CEP164: variants seen among roughly 807,000 people sequenced by gnomAD.
CEP164 encodes centrosomal protein of 164 kDa.
A neutral mutation model predicts 182.7 loss-of-function variants in CEP164; 162 were observed. That is an observed-to-expected ratio of 0.89 (90% CI 0.78 to 1.01). The LOEUF is 1.01. Among genes scored for constraint, CEP164 ranks in the 50% least tolerant of loss-of-function variants. The pLI, the probability that CEP164 is intolerant of heterozygous loss-of-function variation, is 0.00. For missense variants in CEP164, 1,735 were observed against 1,790.4 expected (o/e 0.97, Z 0.56); for synonymous variants, 661 against 690.0 (o/e 0.96, Z 0.66).
At chr11:117,345,269 G>A (rs2038718766) in intron 4 of CEP164, among the ~76,000 whole-genome samples, 1 of 152,150 alleles carries the variant, frequency 6.6e-6, no homozygotes, top group Non-Finnish European at 1.5e-5. Flanking sequence ...GCTAGAAGGA[G>A]CCATGTCACT....
Position 117,396,112 on chromosome 11 carries a change from G to A in CEP164, c.3148G>A (p.Glu1050Lys), listed in dbSNP as rs1467011200. ...CCTGTTGAGAGAAGTGACAGTTGAGGAAAATAATGCTTCCCCACATTTTGA... is the reference window on the plus strand; with the variant it reads ...CCTGTTGAGAGAAGTGACAGTTGAGAAAAATAATGCTTCCCCACATTTTGA... ...QHLLREVTVE[E>K]NNASPHFEPD... Residue 1050 changes from glutamate (E) to lysine (K), a missense_variant, in exon 25 of 33, where the codon GAA becomes AAA. Transcript: ENST00000278935. 16 of 1,564,700 alleles carry A rather than the reference G, an allele frequency of 1.0e-5. No individual in the cohort carries two copies. The highest frequency in any genetic ancestry group is 1.3e-5 in the Non-Finnish European group (15 of 1,149,178).
At chr11:117,328,398 A>G (rs973808045) in intron 1 of CEP164, among the ~76,000 whole-genome samples, 2 of 152,202 alleles carry the variant, frequency 1.3e-5, no homozygotes, top group Non-Finnish European at 2.9e-5. Context: ...CCAGCTGGGA[A>G]AGTTGGAAAG....
chr11:117,394,561 A>C lies in CEP164; in HGVS notation c.2760+68A>C. ...TGCACAGTAGGAAGGTGCTGGGAGC[A>C]GACGCATGGCCCCAGCAGGATGCAG... On this transcript the variant is annotated intron_variant, in intron 21 of 32. Transcript: ENST00000278935. The surrounding 1 kb of genome is among the most constrained non-coding windows in gnomAD (Gnocchi z 4.0). 1 of 1,572,686 alleles carries C rather than the reference A, an allele frequency of 6.4e-7. No individual in the cohort carries two copies. Among genetic ancestry groups the C allele is most frequent in the Admixed American group, 1.8e-5 (1 of 55,064 alleles).
chr11:117,322,194 C>T (rs1035687177), intron 1 of CEP164, among the ~76,000 whole-genome samples: 6 of 152,228 alleles, frequency 3.9e-5, no homozygotes, highest in Admixed American at 3.9e-4. Flanking sequence ...TGGCTCACTA[C>T]AACCTCCACC....
intron 5 of CEP164, chr11:117,355,658 G>A: frequency 8.4e-7 from 1 of 1,190,950 alleles, no homozygotes; most frequent in Non-Finnish European, 1.1e-6. Context: ...GAGCTGGCAG[G>A]GAGTTCCTGG....
At chr11:117,398,590 G>A (rs1326863316) in intron 27 of CEP164, among the ~76,000 whole-genome samples, 10 of 152,182 alleles carry the variant, frequency 6.6e-5, no homozygotes, top group Non-Finnish European at 1.5e-5. Context: ...TACATCTTCT[G>A]AAATCTAGGC....
At chr11:117,354,296 G>A (rs568856595) in intron 5 of CEP164, among the ~76,000 whole-genome samples, 8 of 152,268 alleles carry the variant, frequency 5.3e-5, no homozygotes, top group African/African-American at 1.9e-4. Context: ...GGGATTACAG[G>A]TGTGAGCCAC....
intron 26 of CEP164, 56 bp from the exon 27 acceptor site, chr11:117,397,035 C>T: frequency 6.6e-7 from 1 of 1,504,412 alleles, no homozygotes; most frequent in Admixed American, 1.9e-5. Context: ...GGCTGTGTGA[C>T]CCAGAGCAGA....
intron 26 of CEP164, 30 bp downstream of exon 26, chr11:117,396,641 G>A (rs750121929): frequency 2.5e-6 from 4 of 1,573,070 alleles, no homozygotes; most frequent in Non-Finnish European, 3.5e-6. Flanking sequence ...CTTATTTGAG[G>A]TTAGGGTACC....
At chr11:117,327,565 T>C (rs2035532053), upstream of CEP164, among the ~76,000 whole-genome samples, 1 of 150,974 alleles carries the variant, frequency 6.6e-6, no homozygotes, top group Non-Finnish European at 1.5e-5. Context: ...GCCTCCCAAA[T>C]TGCTGGAATT....
intron 3 of CEP164, among the ~76,000 whole-genome samples, chr11:117,339,515 G>GTTTTTTT (rs1199425322): frequency 1.5e-4 from 14 of 90,864 alleles, no homozygotes; most frequent in East Asian, 3.6e-4. Flanking sequence ...CTTTTCCTTT[G>GTTTTTTT]TTTTTTGTTT....
intron 3 of CEP164, 123 bp from the exon 4 acceptor site, chr11:117,344,040 ATTG>A (rs2038525011): frequency 1.6e-6 from 1 of 618,282 alleles, no homozygotes; most frequent in Admixed American, 3.0e-5. Flanking sequence ...ATATATGTTT[ATTG>A]TTTATAATTT....
intron 10 of CEP164, 73 bp from the exon 11 acceptor site, chr11:117,375,635 G>C: frequency 8.3e-7 from 1 of 1,204,478 alleles, no homozygotes; most frequent in Non-Finnish European, 1.2e-6. Context: ...GTGGAGTTGG[G>C]GTAGTGAAGA....
At position 117,356,622 on chromosome 11, in the gene CEP164, G is replaced by C. The variant is rs1224212193; in HGVS notation, c.393+4634G>C. The C allele has an allele frequency of 2.3e-6, 3 of 1,281,054 alleles. No individual in the cohort carries two copies. In the South Asian group the frequency reaches 3.8e-5, roughly 16 times the overall value. The allele number at this position is 1,281,054 out of a possible 1,614,324, so 79.4% of individuals were successfully genotyped here. On this transcript the variant is annotated intron_variant, in intron 5 of 32. Coordinates refer to ENST00000278935, the MANE Select transcript of CEP164 (RefSeq NM_014956.5). ...AAGATGCAGCATCTCAACCAGGTAG[G>C]CTTCTTAGTGAGCATGGCCTAAAGG...
intron 8 of CEP164, among the ~76,000 whole-genome samples, chr11:117,365,059 TCTC>T (rs1252765543): frequency 6.6e-6 from 1 of 152,200 alleles, no homozygotes; most frequent in Non-Finnish European, 1.5e-5. Context: ...TTTATTTTCT[TCTC>T]CACCACCAGT....
intron 5 of CEP164, chr11:117,355,981 G>GTC (rs1367075968): frequency 2.4e-5 from 27 of 1,123,954 alleles, no homozygotes; most frequent in Non-Finnish European, 2.9e-5. Flanking sequence ...AGCCTAGCTT[G>GTC]TCTGGGCCTG....
At chr11:117,322,665 C>T (rs1028250498) in intron 1 of CEP164, among the ~76,000 whole-genome samples, 2 of 151,646 alleles carry the variant, frequency 1.3e-5, no homozygotes, top group Non-Finnish European at 2.9e-5. Flanking sequence ...AAGTGATTCT[C>T]CTGCTTCAGC....
At chr11:117,406,946 T>G (rs2046754476) in intron 27 of CEP164, among the ~76,000 whole-genome samples, 2 of 151,998 alleles carry the variant, frequency 1.3e-5, no homozygotes, top group Admixed American at 1.3e-4. Context: ...ATTAAAAAAT[T>G]AGCTGGGTGT....
chr11:117,340,058 C>T (rs918957057), intron 3 of CEP164, among the ~76,000 whole-genome samples: 3 of 152,090 alleles, frequency 2.0e-5, no homozygotes, highest in Non-Finnish European at 4.4e-5. Flanking sequence ...TGGAGTTTCA[C>T]TCTGTCGCCC....
Sources: gnomAD v4.1 joint callset for allele counts (sites outside exome capture counted in the v4.1 genomes callset) on GRCh38, gnomAD v4.1.1 for gene constraint, Gnocchi (gnomAD v3.1) non-coding constraint, MANE v1.5 for transcripts, NCBI Gene and HGNC (gene_info 2026-07-23, HGNC 2026-07-21) for gene names.